The following PCDHA8 variants were observed in gnomAD, a reference collection of about 807,000 sequenced individuals.
PCDHA8 encodes the protein protocadherin alpha 8.
PCDHA8 carries 53 observed loss-of-function variants against 61.8 expected under a neutral mutation model. The ratio of observed to expected loss-of-function variants is 0.86; its 90% confidence interval spans 0.69 to 1.08. The LOEUF (loss-of-function observed/expected upper bound fraction) is 1.08. PCDHA8 is among the 50% of genes least tolerant of loss of function. PCDHA8 has a pLI of 0.00. For missense variants in PCDHA8, 1,293 were observed against 1,245.0 expected (o/e 1.04, Z -0.58); for synonymous variants, 618 against 556.6 (o/e 1.11, Z -1.55).
At chr5:140,988,851 C>T (rs2097316213) in intron 3 of PCDHA8, 1 of 152,174 alleles carries the variant, frequency 6.6e-6, no homozygotes, top group Admixed American at 6.5e-5. Context: ...TGAAACCTAT[C>T]CAGTCTCATG....
intron 1 of PCDHA8, chr5:140,857,226 C>A (rs1266010631): frequency 6.3e-7 from 1 of 1,598,378 alleles, no homozygotes; most frequent in African/African-American, 1.3e-5. Context: ...CCTCACGTTC[C>A]GTTCAAGCTG....
At chr5:140,966,749 C>T (rs1554228607) in intron 1 of PCDHA8, 1 of 1,428,076 alleles carries the variant, frequency 7.0e-7, no homozygotes, top group Middle Eastern at 2.5e-4. Flanking sequence ...CCGGCTGCCT[C>T]CGCCGCGGCC....
Position 140,927,144 on chromosome 5 carries a change from A to T in PCDHA8, c.2395-51805A>T, listed in dbSNP as rs116743674. 1.1e-5 allele frequency: 18 copies of T among 1,614,102 alleles called. No individual in the cohort carries two copies. The South Asian group carries it at 1.9e-4, about 17-fold the overall frequency. On this transcript the variant is annotated intron_variant, in intron 1 of 3. Transcript: ENST00000531613. Reference sequence around the variant, plus strand: ...TGGTCAGAGAGCCGGCGGACCGCGAACAGCTGTGCAGGGCCAAAGCTGCCT... The same window carrying T: ...TGGTCAGAGAGCCGGCGGACCGCGATCAGCTGTGCAGGGCCAAAGCTGCCT...
chr5:140,890,452 G>A (rs72800989), intron 1 of PCDHA8, among the ~76,000 whole-genome samples: 2,230 of 151,860 alleles, frequency 0.015, 28 homozygotes, highest in Non-Finnish European at 0.022. Context: ...GATATCTTTA[G>A]GCACAAATAT....
chr5:140,857,657 C>A (rs1207727837), intron 1 of PCDHA8: 1 of 1,596,626 alleles, frequency 6.3e-7, no homozygotes. Flanking sequence ...GGTGAGCGCG[C>A]GCGATGGGGG....
At chr5:140,915,781 A>C (rs2153536351) in intron 1 of PCDHA8, among the ~76,000 whole-genome samples, 1 of 152,104 alleles carries the variant, frequency 6.6e-6, no homozygotes, top group South Asian at 2.1e-4. Flanking sequence ...GGCCTGCTGT[A>C]ACCACTACCT....
chr5:140,967,943 G>T, intron 1 of PCDHA8: 1 of 1,614,190 alleles, frequency 6.2e-7, no homozygotes. Flanking sequence ...CAATGACCAA[G>T]ACTCAGGCCC....
At chr5:140,865,992 T>C (rs1475339451) in intron 1 of PCDHA8, 1 of 152,212 alleles carries the variant, frequency 6.6e-6, no homozygotes, top group Non-Finnish European at 1.5e-5. Flanking sequence ...CACTAAGTTT[T>C]TTTATGTTAA....
intron 1 of PCDHA8, among the ~76,000 whole-genome samples, chr5:140,943,004 C>T (rs1248261862): frequency 6.6e-6 from 1 of 151,842 alleles, no homozygotes; most frequent in East Asian, 1.9e-4. Context: ...TGCCTGTAAT[C>T]CCAGCACTTT....
chr5:140,967,670 G>A (rs1554229754), intron 1 of PCDHA8: 1 of 1,614,092 alleles, frequency 6.2e-7, no homozygotes, highest in Non-Finnish European at 8.5e-7. Flanking sequence ...CTACACGTCG[G>A]ACCGGGAGAG....
intron 1 of PCDHA8, chr5:140,857,764 G>C (rs552891884): frequency 2.5e-6 from 4 of 1,597,520 alleles, no homozygotes; most frequent in Non-Finnish European, 3.4e-6. Context: ...CTGGCAGCGC[G>C]GGCGGTGCAG....
At chr5:140,967,252 G>A (rs199714982) in intron 1 of PCDHA8, 1 of 1,613,504 alleles carries the variant, frequency 6.2e-7, no homozygotes, top group Non-Finnish European at 8.5e-7. Flanking sequence ...AATCGGTGGC[G>A]CCTGGAGCGC....
Position 140,927,036 on chromosome 5 carries a change from C to T in PCDHA8, c.2395-51913C>T, listed in dbSNP as rs137875923. 7.2e-5 allele frequency: 116 copies of T among 1,612,314 alleles called. No individual in the cohort carries two copies. In the African/African-American group the frequency reaches 1.3e-3, roughly 19 times the overall value. ...CCGCGGACTTGAGGCTGCCAGCGGC[C>T]GCTATGTCCTCGCGGAACTTTCGCT... On this transcript the variant is annotated intron_variant, in intron 1 of 3. Coordinates refer to ENST00000531613, the MANE Select transcript of PCDHA8 (RefSeq NM_018911.3).
At chr5:140,877,065 G>A (rs782807909) in intron 1 of PCDHA8, 7 of 1,613,044 alleles carry the variant, frequency 4.3e-6, no homozygotes, top group Non-Finnish European at 5.9e-6. Flanking sequence ...TGGAGCTGCT[G>A]CAGTTCCAGG....
chr5:140,841,254 A>T lies in PCDHA8; in HGVS notation c.-68A>T. 1 of 1,510,716 alleles carries T rather than the reference A, an allele frequency of 6.6e-7. No individual in the cohort carries two copies. The allele number at this position is 1,510,716 out of a possible 1,614,324, so 93.6% of individuals were successfully genotyped here. A position where few individuals can be genotyped will look rare whatever the true frequency, so the allele number is the denominator to read the frequency against. ...AGATGCAGCGGAATTGGATTAAAAGACTCTGAAAGTACAGTCGTTCATCTT... is the reference window on the plus strand; with the variant it reads ...AGATGCAGCGGAATTGGATTAAAAGTCTCTGAAAGTACAGTCGTTCATCTT... On this transcript the variant is annotated 5_prime_UTR_variant, in exon 1 of 4. Transcript: ENST00000531613.
chr5:140,973,125 G>A (rs1417014318), intron 1 of PCDHA8, among the ~76,000 whole-genome samples: 2 of 152,166 alleles, frequency 1.3e-5, no homozygotes, highest in African/African-American at 4.8e-5. Context: ...GATGAATTAA[G>A]TTTGCATTCA....
intron 1 of PCDHA8, among the ~76,000 whole-genome samples, chr5:140,893,588 A>G (rs2064072698): frequency 6.6e-6 from 1 of 152,212 alleles, no homozygotes; most frequent in South Asian, 2.1e-4. Flanking sequence ...TTGTTTGGGA[A>G]ATACTTTATT....
intron 1 of PCDHA8, among the ~76,000 whole-genome samples, chr5:140,924,692 C>T (rs1421659285): frequency 2.0e-5 from 3 of 151,910 alleles, no homozygotes; most frequent in Admixed American, 6.6e-5. Flanking sequence ...GTCAGGAGTT[C>T]GAGACCAGCT....
intron 1 of PCDHA8, chr5:140,869,935 A>T: frequency 1.2e-6 from 2 of 1,612,050 alleles, no homozygotes; most frequent in Admixed American, 1.7e-5. Flanking sequence ...TGGAGAGGTA[A>T]CATACTCCTT....
Sources: allele counts gnomAD v4.1 joint callset (sites outside exome capture counted in the v4.1 genomes callset), GRCh38; gene constraint gnomAD v4.1.1; transcripts MANE v1.5; gene names NCBI Gene and HGNC (gene_info 2026-07-23, HGNC 2026-07-21).